Variants in ADAD1 observed in about 807,000 individuals in gnomAD.
The protein encoded by ADAD1 is adenosine deaminase domain-containing protein 1.
ADAD1 carries 46 observed loss-of-function variants against 66.8 expected under a neutral mutation model. The observed-to-expected ratio is 0.69, with a 90% CI of 0.54 to 0.88. The LOEUF (loss-of-function observed/expected upper bound fraction) is 0.88. ADAD1 is among the 40% of genes least tolerant of loss of function. The probability of loss-of-function intolerance (pLI) is 0.00; values close to 1 mark genes in which losing one functional copy is unlikely to be tolerated. For synonymous variants in ADAD1, 248 were observed against 229.4 expected, an observed-to-expected ratio of 1.08 and a Z score of -0.73; for missense variants, 617 against 681.8, an observed-to-expected ratio of 0.91 and a Z score of 1.06.
intron 7 of ADAD1, among the ~76,000 whole-genome samples, chr4:122,399,304 CATTCTGTTCCATT>C (rs941093475): frequency 3.1e-4 from 47 of 151,998 alleles, no homozygotes; most frequent in African/African-American, 9.2e-4. Context: ...CTGGGTTCTC[CATTCTGTTCCATT>C]ATTCTGTTCC....
intron 9 of ADAD1, among the ~76,000 whole-genome samples, chr4:122,411,797 G>A (rs1362638407): frequency 2.6e-5 from 4 of 152,090 alleles, no homozygotes; most frequent in Non-Finnish European, 5.9e-5. Context: ...TTTTAGATAA[G>A]CAACACTCAA....
At chr4:122,419,494 A>G (rs549305732) in intron 11 of ADAD1, among the ~76,000 whole-genome samples, 6 of 152,312 alleles carry the variant, frequency 3.9e-5, no homozygotes, top group Non-Finnish European at 7.3e-5. Flanking sequence ...ACATTTATCT[A>G]TAGAAAAAAC....
intron 4 of ADAD1, among the ~76,000 whole-genome samples, chr4:122,382,346 A>G (rs1410200539): frequency 6.6e-6 from 1 of 152,226 alleles, no homozygotes; most frequent in Non-Finnish European, 1.5e-5. Flanking sequence ...TAATAGCTCT[A>G]TGTGTGATTT....
chr4:122,424,726 A>G (rs778037646), intron 12 of ADAD1, among the ~76,000 whole-genome samples: 1 of 152,164 alleles, frequency 6.6e-6, no homozygotes, highest in African/African-American at 2.4e-5. Flanking sequence ...ATATAAATTC[A>G]CCATATCAAT....
intron 12 of ADAD1, among the ~76,000 whole-genome samples, chr4:122,427,603 C>T (rs758745962): frequency 5.5e-5 from 7 of 127,522 alleles, no homozygotes; most frequent in African/African-American, 1.5e-4. Flanking sequence ...GGTATGATCT[C>T]GGCTCACTGC....
intron 6 of ADAD1, among the ~76,000 whole-genome samples, chr4:122,395,866 T>C (rs1466147946): frequency 6.6e-6 from 1 of 152,206 alleles, no homozygotes; most frequent in East Asian, 1.9e-4. Flanking sequence ...AATAAGAGAA[T>C]GTATTTTGGT....
intron 9 of ADAD1, among the ~76,000 whole-genome samples, chr4:122,411,833 T>A (rs1796479708): frequency 6.6e-6 from 1 of 152,176 alleles, no homozygotes; most frequent in Non-Finnish European, 1.5e-5. Flanking sequence ...TCCATGTACT[T>A]CACCACTTTT....
At chr4:122,408,181 ATG>A in intron 8 of ADAD1, 150 bp downstream of exon 8, 1 of 827,520 alleles carries the variant, frequency 1.2e-6, no homozygotes, top group Non-Finnish European at 1.7e-6. Context: ...GATTAATTCC[ATG>A]TCACCTTTGG....
At position 122,408,507 on chromosome 4, in the gene ADAD1, C is replaced by G. The variant is rs561482856; in HGVS notation, c.848+476C>G. Among the ~76,000 whole-genome samples the G allele has an allele frequency of 3.9e-5, 6 of 152,284 alleles. No individual in the cohort carries two copies. The East Asian group carries it at 1.2e-3, about 29-fold the overall frequency. On this transcript the variant is annotated intron_variant, in intron 8 of 12. Transcript: ENST00000296513. ...GTCAGGCTGGTCTTGAACTCCTGATCTCAGGTGAGCCACTTGCCTTGGCCT... is the reference window on the plus strand; with the variant it reads ...GTCAGGCTGGTCTTGAACTCCTGATGTCAGGTGAGCCACTTGCCTTGGCCT...
chr4:122,394,603 A>G lies in ADAD1; in HGVS notation c.598+946A>G, dbSNP rs28515167. 7.2e-3 allele frequency among the ~76,000 whole-genome samples: 1,097 copies of G among 152,310 alleles called. 9 individuals carry two copies. The highest frequency in any genetic ancestry group is 0.025 in the African/African-American group (1,041 of 41,570). ...CCATTCAAAAGACAAAAATCCACCA[A>G]TAGTTAGATATAGTGTGTGGCCTAA... is the stretch of plus-strand genomic sequence containing the variant. On this transcript the variant is annotated intron_variant, in intron 6 of 12. Transcript: ENST00000296513.
chr4:122,425,009 A>G (rs772411973), intron 12 of ADAD1, among the ~76,000 whole-genome samples: 1 of 152,118 alleles, frequency 6.6e-6, no homozygotes, highest in Non-Finnish European at 1.5e-5. Context: ...TCAATACATC[A>G]GAAAGATATG....
chr4:122,418,257 T>A (rs1312725574), intron 11 of ADAD1, among the ~76,000 whole-genome samples: 1 of 151,412 alleles, frequency 6.6e-6, no homozygotes, highest in Non-Finnish European at 1.5e-5. Context: ...AGGAAAACAT[T>A]ACTTGCAAAA....
intron 5 of ADAD1, among the ~76,000 whole-genome samples, chr4:122,390,108 C>A (rs1795362456): frequency 6.6e-6 from 1 of 152,132 alleles, no homozygotes; most frequent in Non-Finnish European, 1.5e-5. Flanking sequence ...ATTTCTTCTT[C>A]ACTTATGAAG....
At chr4:122,385,447 A>T (rs1405142474) in intron 5 of ADAD1, among the ~76,000 whole-genome samples, 1 of 151,756 alleles carries the variant, frequency 6.6e-6, no homozygotes, top group African/African-American at 2.4e-5. Context: ...TAATTTTTGT[A>T]TTTTTAGTAG....
chr4:122,414,280 G>GA (rs1452993185), intron 10 of ADAD1, among the ~76,000 whole-genome samples: 1 of 127,206 alleles, frequency 7.9e-6, no homozygotes, highest in Non-Finnish European at 1.7e-5. Flanking sequence ...TTTTTTGGGG[G>GA]GGGGGGTACA....
At chr4:122,389,721 A>G (rs1311040418) in intron 5 of ADAD1, among the ~76,000 whole-genome samples, 1 of 152,042 alleles carries the variant, frequency 6.6e-6, no homozygotes, top group Non-Finnish European at 1.5e-5. Context: ...ATTTTCCTCC[A>G]TCCCTTTATT....
intron 7 of ADAD1, among the ~76,000 whole-genome samples, chr4:122,398,224 T>C (rs891127440): frequency 4.6e-5 from 7 of 152,038 alleles, no homozygotes; most frequent in African/African-American, 1.7e-4. Flanking sequence ...CTCCCACTTG[T>C]AAGTGAGAAC....
intron 12 of ADAD1, among the ~76,000 whole-genome samples, chr4:122,427,439 T>C (rs1797295144): frequency 6.6e-6 from 1 of 152,022 alleles, no homozygotes; most frequent in Admixed American, 6.6e-5. Context: ...TAATTTATAG[T>C]TTCAATGCAA....
chr4:122,398,196 C>T (rs938676305), intron 7 of ADAD1, among the ~76,000 whole-genome samples: 2 of 151,824 alleles, frequency 1.3e-5, no homozygotes, highest in African/African-American at 4.8e-5. Flanking sequence ...CTTATGCCTT[C>T]TTGTCTTCCT....
Sources: gnomAD v4.1 joint callset for allele counts (sites outside exome capture counted in the v4.1 genomes callset) on GRCh38, gnomAD v4.1.1 for gene constraint, MANE v1.5 for transcripts, NCBI Gene and HGNC (gene_info 2026-07-23, HGNC 2026-07-21) for gene names.